ARSB: variants seen among roughly 807,000 people sequenced by gnomAD.
ARSB encodes arylsulfatase B.
ARSB carries 41 observed loss-of-function variants against 50.9 expected under a neutral mutation model. The observed-to-expected ratio is 0.81, with a 90% CI of 0.63 to 1.04. The LOEUF is 1.04. Among genes scored for constraint, ARSB ranks in the 50% least tolerant of loss-of-function variants. The pLI is 0.00. For missense variants in ARSB, 672 were observed against 693.3 expected (o/e 0.97, Z 0.35); for synonymous variants, 269 against 284.8 (o/e 0.94, Z 0.56).
chr5:78,781,635 A>G (rs550545047), intron 7 of ARSB, among the ~76,000 whole-genome samples: 1 of 152,276 alleles, frequency 6.6e-6, no homozygotes, highest in Non-Finnish European at 1.5e-5. Flanking sequence ...ATCTGAGCAA[A>G]GTGAGGTAAG....
At chr5:78,808,668 T>C (rs995749441) in intron 6 of ARSB, among the ~76,000 whole-genome samples, 2 of 152,150 alleles carry the variant, frequency 1.3e-5, no homozygotes, top group African/African-American at 4.8e-5. Context: ...ACTAAAGCAT[T>C]TCCCTAATTT....
chr5:78,798,482 G>A (rs1487974117), intron 6 of ARSB, among the ~76,000 whole-genome samples: 1 of 151,922 alleles, frequency 6.6e-6, no homozygotes, highest in Non-Finnish European at 1.5e-5. Flanking sequence ...CTCTGGCAAG[G>A]GATGAAAGGA....
Position 78,815,907 on chromosome 5 carries a change from C to T in ARSB, c.1213+23449G>A, listed in dbSNP as rs1743966500. 2.7e-6 allele frequency: 4 copies of T among 1,472,932 alleles called. 1 individual carries two copies. The highest frequency in any genetic ancestry group is 3.6e-6 in the Non-Finnish European group (4 of 1,118,806). 91.2% of individuals were successfully genotyped at this position (1,472,932 alleles called of 1,614,324 possible). On this transcript the variant is annotated intron_variant, in intron 6 of 7. Coordinates refer to ENST00000264914, the MANE Select transcript of ARSB (RefSeq NM_000046.5). ...TGGTTGATCTAAGTAAGACAGCCTC[C>T]TGGGGCCCCTTCTTTCTTGGAGAAG...
At chr5:78,896,086 G>A (rs191787399) in intron 4 of ARSB, among the ~76,000 whole-genome samples, 5 of 152,302 alleles carry the variant, frequency 3.3e-5, no homozygotes, top group Admixed American at 1.3e-4. Flanking sequence ...GACAATGGTT[G>A]CACAAGGTGA....
At chr5:78,897,745 C>T (rs1473049303) in intron 4 of ARSB, among the ~76,000 whole-genome samples, 2 of 151,766 alleles carry the variant, frequency 1.3e-5, no homozygotes, top group Non-Finnish European at 2.9e-5. Flanking sequence ...TGTGGACTCT[C>T]ATAATAATTA....
At chr5:78,954,133 C>T (rs1282271217) in intron 4 of ARSB, among the ~76,000 whole-genome samples, 1 of 151,826 alleles carries the variant, frequency 6.6e-6, no homozygotes, top group Non-Finnish European at 1.5e-5. Context: ...AATTAGAGGA[C>T]TGACCTGGTG....
chr5:78,956,648 A>G (rs1751740858), intron 3 of ARSB, among the ~76,000 whole-genome samples: 1 of 152,198 alleles, frequency 6.6e-6, no homozygotes, highest in Non-Finnish European at 1.5e-5. Flanking sequence ...AGTAATGGCA[A>G]CCACATATTA....
intron 5 of ARSB, among the ~76,000 whole-genome samples, chr5:78,862,234 A>G (rs1746477668): frequency 6.6e-6 from 1 of 152,202 alleles, no homozygotes; most frequent in South Asian, 2.1e-4. Flanking sequence ...CAAGCTACCA[A>G]TGACTTTCTT....
At chr5:78,941,891 G>A (rs985669292) in intron 4 of ARSB, among the ~76,000 whole-genome samples, 15 of 152,200 alleles carry the variant, frequency 9.9e-5, no homozygotes, top group African/African-American at 3.6e-4. Flanking sequence ...GGTAGAATTC[G>A]GTTGTGAATC....
intron 1 of ARSB, among the ~76,000 whole-genome samples, chr5:78,969,917 CTGAGT>C (rs1176162236): frequency 6.6e-6 from 1 of 152,214 alleles, no homozygotes; most frequent in East Asian, 1.9e-4. Flanking sequence ...CCGTGCCTGG[CTGAGT>C]TATTTAACAG....
rs901477688 is a variant in ARSB at position 78,860,827 on chromosome 5, G to C, written c.1143-21401C>G. 6.6e-5 allele frequency among the ~76,000 whole-genome samples: 10 copies of C among 152,220 alleles called. No individual in the cohort carries two copies. In the South Asian group the frequency reaches 2.1e-3, roughly 32 times the overall value. On this transcript the variant is annotated intron_variant, in intron 5 of 7. Transcript: ENST00000264914. Reference sequence around the variant, plus strand: ...AAAAAATCAATGAATCCAGGAGCTGGTTTTCTGAAAAGATCAACAAAATTG... The same window carrying C: ...AAAAAATCAATGAATCCAGGAGCTGCTTTTCTGAAAAGATCAACAAAATTG...
At position 78,868,999 on chromosome 5, in the gene ARSB, C is replaced by T. The variant is rs908721759; in HGVS notation, c.1142+16585G>A. 1.7e-3 allele frequency among the ~76,000 whole-genome samples: 257 copies of T among 151,292 alleles called. 1 individual carries two copies. The highest frequency in any genetic ancestry group is 6.0e-3 in the African/African-American group (248 of 41,098). The stretch of plus-strand genomic sequence containing the variant: ...CAAGCAAATGGAAAACAAAAAAAGG[C>T]AGGGGTTGCAATCCTAGTCTCTGAT... On this transcript the variant is annotated intron_variant, in intron 5 of 7. Coordinates refer to ENST00000264914, the MANE Select transcript of ARSB (RefSeq NM_000046.5).
At chr5:78,947,581 G>C (rs1751302074) in intron 4 of ARSB, among the ~76,000 whole-genome samples, 1 of 152,224 alleles carries the variant, frequency 6.6e-6, no homozygotes, top group Non-Finnish European at 1.5e-5. Context: ...ACTGCAGTGA[G>C]ATATCCTCTC....
rs558617710 is a variant in ARSB, at chr5:78,808,864, A to G, written c.1214-26890T>C. 1.2e-4 allele frequency among the ~76,000 whole-genome samples: 18 copies of G among 152,252 alleles called. No individual in the cohort carries two copies. In the East Asian group the frequency reaches 3.1e-3, roughly 26 times the overall value. On this transcript the variant is annotated intron_variant, in intron 6 of 7. Transcript: ENST00000264914. ...CCTCTGCTCGGGTCAACGATGTGTG[A>G]CTTTTTGCTGGACACGGGGTGTCTA...
intron 4 of ARSB, among the ~76,000 whole-genome samples, chr5:78,926,986 A>G (rs1750083647): frequency 1.3e-5 from 2 of 152,138 alleles, no homozygotes; most frequent in Admixed American, 1.3e-4. Context: ...GGCTCAGTCA[A>G]TCCTCCCACC....
chr5:78,785,908 A>T (rs1287015061), intron 6 of ARSB, among the ~76,000 whole-genome samples: 1 of 152,226 alleles, frequency 6.6e-6, no homozygotes, highest in Non-Finnish European at 1.5e-5. Flanking sequence ...GCTGCAGAAG[A>T]AGGGTCAGAG....
intron 4 of ARSB, among the ~76,000 whole-genome samples, chr5:78,901,043 T>A: frequency 1.6e-5 from 1 of 63,730 alleles, no homozygotes. Flanking sequence ...AGACTCCGTC[T>A]CAGGAAAAAA....
chr5:78,834,609 A>G (rs4703763), intron 6 of ARSB, among the ~76,000 whole-genome samples: 8,839 of 50,282 alleles, frequency 0.18, 509 homozygotes, highest in Non-Finnish European at 0.19. Context: ...ATATATGTGT[A>G]TATATATATA....
At chr5:78,806,812 C>A (rs1465867973) in intron 6 of ARSB, among the ~76,000 whole-genome samples, 1 of 152,226 alleles carries the variant, frequency 6.6e-6, no homozygotes, top group Non-Finnish European at 1.5e-5. Flanking sequence ...TCAAGTCACA[C>A]CACCGGAATG....
Sources: gnomAD v4.1 joint callset for allele counts (sites outside exome capture counted in the v4.1 genomes callset) on GRCh38, gnomAD v4.1.1 for gene constraint, MANE v1.5 for transcripts, NCBI Gene and HGNC (gene_info 2026-07-23, HGNC 2026-07-21) for gene names.